The following FUS variants were observed in gnomAD, a reference collection of about 807,000 sequenced individuals.
The protein encoded by FUS is RNA-binding protein FUS.
Under a neutral mutation model 82.7 loss-of-function variants are expected in FUS, and 5 were observed. That is an observed-to-expected ratio of 0.06 (90% CI 0.03 to 0.13). The LOEUF (loss-of-function observed/expected upper bound fraction) is 0.13. Among genes scored for constraint, FUS ranks in the 10% least tolerant of loss-of-function variants. The probability of loss-of-function intolerance (pLI) is 1.00; values close to 1 mark genes in which losing one functional copy is unlikely to be tolerated. For synonymous variants in FUS, 281 were observed against 247.4 expected, an observed-to-expected ratio of 1.14 and a Z score of -1.27; for missense variants, 512 against 707.8, an observed-to-expected ratio of 0.72 and a Z score of 3.14.
Position 31,190,098 on chromosome 16 carries a change from T to A in FUS, c.1125T>A (p.Phe375Leu). Residue 375 changes from phenylalanine (F) to leucine (L), a missense_variant, in exon 11 of 15, where the codon TTT becomes TTA. Phe to Leu is a conservative substitution (Grantham distance 22). This residue lies in a region of FUS where 63 missense variants were observed against 83.0 expected (regional missense o/e 0.76). Transcript: ENST00000254108. ...CATTTGCTACTCGCCGGGCAGACTT[T>A]AATCGGGGTGGTGGCAATGGTCGTG... ...KVSFATRRAD[F>L]NRGGGNGRGG... 3.1e-6 allele frequency: 5 copies of A among 1,614,130 alleles called. No homozygotes were observed. The highest frequency in any genetic ancestry group is 3.4e-6 in the Non-Finnish European group (4 of 1,180,002).
intron 12 of FUS, 114 bp from the exon 13 acceptor site, chr16:31,190,628 T>C (rs973200390): frequency 2.4e-6 from 3 of 1,231,050 alleles, no homozygotes; most frequent in Non-Finnish European, 3.6e-6. Context: ...CCGTTTTGTC[T>C]TTCTGAAGCT....
At position 31,182,886 on chromosome 16, in the gene FUS, T is replaced by C. The variant is rs761407013; in HGVS notation, c.190+222T>C. ...TACCTGCTACCACGCCTGGCTAATT[T>C]TGTGTTTTTAGTAGAGATGGGGTTT... On this transcript the variant is annotated intron_variant, in intron 3 of 14. Coordinates refer to ENST00000254108, the MANE Select transcript of FUS (RefSeq NM_004960.4). 1.2e-4 allele frequency: 68 copies of C among 547,640 alleles called. 2 individuals are homozygous for C. Among genetic ancestry groups the C allele is most frequent in the South Asian group, 9.5e-4 (50 of 52,380 alleles). 33.9% of individuals were successfully genotyped at this position (547,640 alleles called of 1,614,324 possible). A position where few individuals can be genotyped will look rare whatever the true frequency, so the allele number is the denominator to read the frequency against.
chr16:31,193,789 A>G, downstream of FUS: 2 of 522,692 alleles, frequency 3.8e-6, no homozygotes, highest in Non-Finnish European at 7.4e-6. Context: ...CTTCCTCGCT[A>G]CCACACCTGG....
intron 6 of FUS, chr16:31,185,566 T>G (rs1466461708): frequency 1.9e-6 from 1 of 537,638 alleles, no homozygotes; most frequent in Non-Finnish European, 3.6e-6. Context: ...GGTATGTGTA[T>G]TCCCATGTGT....
intron 6 of FUS, chr16:31,185,509 G>C (rs562290134): frequency 5.1e-6 from 3 of 588,752 alleles, no homozygotes; most frequent in South Asian, 3.0e-5. Flanking sequence ...TTCTTTCTCT[G>C]CAAGGGAAAC....
chr16:31,191,168 C>G, intron 14 of FUS, 58 bp downstream of exon 14: 1 of 1,596,846 alleles, frequency 6.3e-7, no homozygotes, highest in African/African-American at 1.3e-5. Context: ...CATAGGATAA[C>G]AGGGTTTTGT....
rs1367726377 is a variant in FUS at position 31,191,542 on chromosome 16, G to C, written c.*104G>C. The C allele has an allele frequency of 8.0e-7, 1 of 1,257,546 alleles. No homozygotes were observed. The highest frequency in any genetic ancestry group is 1.2e-6 in the Non-Finnish European group (1 of 862,778). The allele number at this position is 1,257,546 out of a possible 1,614,324, so 77.9% of individuals were successfully genotyped here. ...TTCCTGATCACCCAAGGGTTTTTTTGTGTCGGACTATGTAATTGTAACTAT... is the reference window on the plus strand; with the variant it reads ...TTCCTGATCACCCAAGGGTTTTTTTCTGTCGGACTATGTAATTGTAACTAT... On this transcript the variant is annotated 3_prime_UTR_variant, in exon 15 of 15. Coordinates refer to ENST00000254108, the MANE Select transcript of FUS (RefSeq NM_004960.4).
At chr16:31,192,384 C>T (rs1345358944), downstream of FUS, 1 of 523,966 alleles carries the variant, frequency 1.9e-6, no homozygotes, top group Admixed American at 2.2e-5. Context: ...CACGTACCTG[C>T]CAACCAGTTA....
chr16:31,194,398 C>G (rs1399296744), downstream of FUS: 2 of 513,908 alleles, frequency 3.9e-6, no homozygotes, highest in Non-Finnish European at 3.8e-6. Flanking sequence ...AAGCTATCTG[C>G]CCACCTCAGC....
chr16:31,185,120 C>A lies in FUS; in HGVS notation c.705C>A (p.Ser235Arg). ...GGGGGGGYNR[S>R]SGGYEPRGRG... ...GCGGCGGTGGTGGTTACAACCGCAG[C>A]AGTGGTGGCTATGAACCCAGAGGTC... The change falls in exon 6 of 15, where the codon AGC (serine) becomes AGA (arginine). Residue 235 changes from serine to arginine, a missense_variant. By Grantham distance (110) the Ser-to-Arg change is moderately radical. Coordinates refer to ENST00000254108, the MANE Select transcript of FUS (RefSeq NM_004960.4). 1 of 1,609,878 alleles carries A rather than the reference C, an allele frequency of 6.2e-7. No homozygotes were observed. The highest frequency in any genetic ancestry group is 8.5e-7 in the Non-Finnish European group (1 of 1,178,344).
At chr16:31,193,231 A>C (rs916919130), downstream of FUS, 3 of 499,506 alleles carry the variant, frequency 6.0e-6, no homozygotes, top group African/African-American at 5.8e-5. Flanking sequence ...GAGGAATAGC[A>C]GGTTTACTTC....
intron 6 of FUS, chr16:31,186,402 G>T (rs1188603093): frequency 5.3e-6 from 2 of 374,466 alleles, no homozygotes; most frequent in Admixed American, 4.3e-5. Flanking sequence ...TGTGTTCAAG[G>T]CTACCCCAGC....
At chr16:31,188,945 C>G in intron 8 of FUS, 178 bp from the exon 9 acceptor site, 2 of 632,210 alleles carry the variant, frequency 3.2e-6, no homozygotes, top group Non-Finnish European at 5.6e-6. Context: ...CAAACTGAAT[C>G]TGAAATTTAT....
chr16:31,189,867 T>G lies in FUS; in HGVS notation c.1066+73T>G. 3 of 1,611,582 alleles carry G rather than the reference T, an allele frequency of 1.9e-6. No homozygotes were observed. The South Asian group carries it at 3.3e-5, about 18-fold the overall frequency. On this transcript the variant is annotated intron_variant, in intron 10 of 14. Coordinates refer to ENST00000254108, the MANE Select transcript of FUS (RefSeq NM_004960.4). The stretch of plus-strand genomic sequence containing the variant: ...CAAGCCTTAGGAAACAAGCCATAGT[T>G]TGAGGGTTCTTTTGAGTCTTCCAAC...
intron 7 of FUS, chr16:31,187,399 A>T (rs1173902116): frequency 4.2e-6 from 1 of 237,698 alleles, no homozygotes; most frequent in African/African-American, 2.2e-5. Context: ...GGGAAGGAAC[A>T]TGTGCACTAC....
At chr16:31,184,442 T>G in intron 5 of FUS, 46 bp downstream of exon 5, 1 of 1,393,582 alleles carries the variant, frequency 7.2e-7, no homozygotes, top group South Asian at 1.3e-5. Flanking sequence ...CTTTTTCTTT[T>G]TTTTTTTTTT....
downstream of FUS, chr16:31,193,255 G>A (rs941138947): frequency 2.0e-5 from 10 of 507,512 alleles, no homozygotes; most frequent in Admixed American, 4.5e-5. Context: ...TGCCAGCATT[G>A]GGGTGCTCTC....
intron 1 of FUS, among the ~76,000 whole-genome samples, chr16:31,182,009 A>AT (rs879506137): frequency 0.018 from 2,631 of 146,572 alleles, 76 homozygotes; most frequent in African/African-American, 0.061. Context: ...TCCTATTTTT[A>AT]TTTTTTTTTT....
chr16:31,184,485 T>C (rs993434764), intron 5 of FUS, 89 bp downstream of exon 5: 6 of 1,303,402 alleles, frequency 4.6e-6, no homozygotes, highest in Non-Finnish European at 5.4e-6. Context: ...TCTCTGTTGC[T>C]GAGGCTGGAG....
Sources: gnomAD v4.1 joint callset for allele counts (sites outside exome capture counted in the v4.1 genomes callset) on GRCh38, gnomAD v4.1.1 for gene constraint, gnomAD v4.1.1 regional missense constraint, MANE v1.5 for transcripts, NCBI Gene and HGNC (gene_info 2026-07-23, HGNC 2026-07-21) for gene names.